The following GRAMD4 variants were observed in gnomAD, a reference collection of about 807,000 sequenced individuals.
GRAMD4 encodes GRAM domain-containing protein 4.
A neutral mutation model predicts 83.9 loss-of-function variants in GRAMD4; 25 were observed. The observed-to-expected ratio is 0.30, with a 90% CI of 0.22 to 0.42. The LOEUF (loss-of-function observed/expected upper bound fraction) is 0.42, where lower values mean the gene tolerates loss of function less well. Ranked by LOEUF, GRAMD4 falls within the 10% of genes least tolerant of loss-of-function variation. The pLI is 1.00. For synonymous variants in GRAMD4, 336 were observed against 320.9 expected, an observed-to-expected ratio of 1.05 and a Z score of -0.50; for missense variants, 593 against 788.7, an observed-to-expected ratio of 0.75 and a Z score of 2.97.
chr22:46,642,386 A>T (rs1480163593), intron 3 of GRAMD4, among the ~76,000 whole-genome samples: 4 of 152,190 alleles, frequency 2.6e-5, no homozygotes, highest in African/African-American at 9.7e-5. Flanking sequence ...AGGAGTTCAT[A>T]CAGATAATTC....
At chr22:46,617,014 G>A (rs2019252), upstream of GRAMD4, among the ~76,000 whole-genome samples, 4,115 of 14,904 alleles carry the variant, frequency 0.28, 36 homozygotes, top group East Asian at 0.44. Flanking sequence ...CTGTGCGTGT[G>A]GGTTCCCCCG....
intron 1 of GRAMD4, among the ~76,000 whole-genome samples, chr22:46,591,985 G>T (rs2081214540): frequency 6.8e-6 from 1 of 146,194 alleles, no homozygotes; most frequent in African/African-American, 2.6e-5. Flanking sequence ...CCCCTCCTGT[G>T]CCTGCAGGCT....
intron 1 of GRAMD4, among the ~76,000 whole-genome samples, chr22:46,594,667 C>T (rs2081243571): frequency 6.6e-6 from 1 of 151,872 alleles, no homozygotes; most frequent in South Asian, 2.1e-4. Flanking sequence ...GACAGTTGGC[C>T]CTGGCATCTG....
In GRAMD4 at chr22:46,677,958, G is replaced by A. The variant is rs551597677; in HGVS notation, c.*707G>A. On this transcript the variant is annotated 3_prime_UTR_variant, in exon 19 of 19. Coordinates refer to ENST00000406902, the MANE Select transcript of GRAMD4 (RefSeq NM_015124.5). ...TCCTTGCTGGCCTCCAGGGCGCTCA[G>A]CACCGCGTCTGTAAGGGCCTGCCTG... is the stretch of plus-strand genomic sequence containing the variant. 2.0e-6 allele frequency: 2 copies of A among 985,380 alleles called. No homozygotes were observed. Among genetic ancestry groups the A allele is most frequent in the Non-Finnish European group, 2.4e-6 (2 of 829,798 alleles). The allele number at this position is 985,380 out of a possible 1,614,324, so 61.0% of individuals were successfully genotyped here. A position where few individuals can be genotyped will look rare whatever the true frequency, so the allele number is the denominator to read the frequency against.
upstream of GRAMD4, among the ~76,000 whole-genome samples, chr22:46,617,417 TGTGTAGGTTCCCCTGG>T (rs1259682420): frequency 1.4e-5 from 2 of 147,796 alleles, no homozygotes; most frequent in Non-Finnish European, 3.0e-5. Context: ...GGTTCCCCTG[TGTGTAGGTTCCCCTGG>T]GTGTAGGTTC....
chr22:46,615,585 G>A (rs1317548322), upstream of GRAMD4, among the ~76,000 whole-genome samples: 2 of 125,680 alleles, frequency 1.6e-5, no homozygotes, highest in African/African-American at 6.3e-5. Flanking sequence ...CCCTGTGCGT[G>A]TAGGTTCCCC....
chr22:46,578,481 G>A (rs2147885968), intron 1 of GRAMD4, among the ~76,000 whole-genome samples: 1 of 152,324 alleles, frequency 6.6e-6, no homozygotes, highest in South Asian at 2.1e-4. Flanking sequence ...CGAATGGGGT[G>A]ATGTGGGCCT....
intron 1 of GRAMD4, among the ~76,000 whole-genome samples, chr22:46,601,155 A>G (rs2081308603): frequency 6.7e-6 from 1 of 148,806 alleles, no homozygotes; most frequent in Non-Finnish European, 1.5e-5. Flanking sequence ...AAGAAAAAAA[A>G]AATCACTACT....
chr22:46,673,533 C>T, intron 14 of GRAMD4, 137 bp from the exon 15 acceptor site: 1 of 1,099,498 alleles, frequency 9.1e-7, no homozygotes, highest in Non-Finnish European at 1.3e-6. Context: ...AGGAGCCGCT[C>T]TGGGCCGGAA....
Position 46,678,848 on chromosome 22 carries a change from G to C in GRAMD4, c.*1597G>C, listed in dbSNP as rs1194772453. The stretch of plus-strand genomic sequence containing the variant: ...GGGGTGCTTTGGGGGGAGCTGCGCC[G>C]ATCACCAGATTAAGCACATGTCCTA... On this transcript the variant is annotated 3_prime_UTR_variant, in exon 19 of 19. Coordinates refer to ENST00000406902, the MANE Select transcript of GRAMD4 (RefSeq NM_015124.5). 1.0e-6 allele frequency: 1 copy of C among 985,958 alleles called. No individual in the cohort carries two copies. The highest frequency in any genetic ancestry group is 1.2e-6 in the Non-Finnish European group (1 of 830,064). 61.1% of individuals were successfully genotyped at this position (985,958 alleles called of 1,614,324 possible). A position where few individuals can be genotyped will look rare whatever the true frequency, so the allele number is the denominator to read the frequency against.
At chr22:46,594,563 T>G in intron 1 of GRAMD4, among the ~76,000 whole-genome samples, 4 of 99,164 alleles carry the variant, frequency 4.0e-5, no homozygotes, top group Admixed American at 1.0e-4. Context: ...CTTGTGTGGG[T>G]GGTGAGGGAC....
chr22:46,617,653 GCCCTCCCAGTCTTCCTGA>G, upstream of GRAMD4, among the ~76,000 whole-genome samples: 1 of 152,268 alleles, frequency 6.6e-6, no homozygotes, highest in Middle Eastern at 3.4e-3. Context: ...GCATCTCCTG[GCCCTCCCAGTCTTCCTGA>G]CTGTCTCTCC....
At chr22:46,634,554 G>A (rs2081829652) in intron 2 of GRAMD4, among the ~76,000 whole-genome samples, 1 of 152,218 alleles carries the variant, frequency 6.6e-6, no homozygotes, top group Non-Finnish European at 1.5e-5. Context: ...CCACAGTCAG[G>A]GGTCCTGGAA....
At chr22:46,616,661 CCT>C (rs1491505794), upstream of GRAMD4, among the ~76,000 whole-genome samples, 1 of 129,888 alleles carries the variant, frequency 7.7e-6, no homozygotes, top group Admixed American at 7.6e-5. Context: ...TGTACGTTCC[CCT>C]GTGTGTAGGT....
At chr22:46,625,016 A>G (rs2081634544) in intron 1 of GRAMD4, among the ~76,000 whole-genome samples, 1 of 151,312 alleles carries the variant, frequency 6.6e-6, no homozygotes, top group Non-Finnish European at 1.5e-5. Context: ...GCCCACCACC[A>G]CGCCCGGCTA....
At chr22:46,583,184 A>G (rs1376409659) in intron 1 of GRAMD4, among the ~76,000 whole-genome samples, 2 of 152,220 alleles carry the variant, frequency 1.3e-5, no homozygotes. Flanking sequence ...TCGGTCTCTC[A>G]AAGTGCTGGG....
At chr22:46,635,228 G>C (rs1159737608) in intron 2 of GRAMD4, among the ~76,000 whole-genome samples, 1 of 138,268 alleles carries the variant, frequency 7.2e-6, no homozygotes, top group African/African-American at 2.8e-5. Flanking sequence ...CTGGGGGACC[G>C]TGTCCTCCCT....
chr22:46,617,299 T>C (rs2081516393), upstream of GRAMD4, among the ~76,000 whole-genome samples: 1 of 151,290 alleles, frequency 6.6e-6, no homozygotes, highest in South Asian at 2.1e-4. Context: ...CTGCTGTGCA[T>C]GTAGGTTCCC....
In GRAMD4 at chr22:46,626,862, AGCGGAGTCTCCAAAT is replaced by A. The variant is rs1480234661; in HGVS notation, c.66_80del (p.Glu23_Ala27del). 4 of 1,613,920 alleles carry A rather than the reference AGCGGAGTCTCCAAAT, an allele frequency of 2.5e-6. No homozygotes were observed. The Admixed American group carries it at 6.7e-5, about 27-fold the overall frequency. On this transcript the variant is annotated inframe_deletion, in exon 2 of 19. Transcript: ENST00000406902. ...ACAAGAGAGATGACTTCCTCGATCT[AGCGGAGTCTCCAAAT>A]GCCTCGGACACCGAATGCAGCGACG...
Sources: allele counts gnomAD v4.1 joint callset (sites outside exome capture counted in the v4.1 genomes callset), GRCh38; gene constraint gnomAD v4.1.1; transcripts MANE v1.5; gene names NCBI Gene and HGNC (gene_info 2026-07-23, HGNC 2026-07-21).